NDUFA1: variants seen among roughly 807,000 people sequenced by gnomAD.
NDUFA1 encodes the protein NADH dehydrogenase [ubiquinone] 1 alpha subcomplex subunit 1.
For missense variants in NDUFA1, 42 were observed against 56.0 expected, an observed-to-expected ratio of 0.75 and a Z score of 0.80; for synonymous variants, 21 against 20.0, an observed-to-expected ratio of 1.05 and a Z score of -0.14.
At chrX:119,876,141 G>A (rs1169601678) in intron 2 of NDUFA1, among the ~76,000 whole-genome samples, 1 of 106,493 alleles carries the variant, frequency 9.4e-6, no homozygotes, top group Non-Finnish European at 1.9e-5. Flanking sequence ...GGAGATGCAG[G>A]TTGCAGTGAG....
At chrX:119,876,483 G>A (rs1474204265) in intron 2 of NDUFA1, 31 bp from the exon 3 acceptor site, 3 of 1,201,013 alleles carry the variant, frequency 2.5e-6, no homozygotes, top group Non-Finnish European at 3.4e-6. Context: ...GAACAGACTT[G>A]TCACATTCTC....
intron 1 of NDUFA1, among the ~76,000 whole-genome samples, chrX:119,872,468 T>C (rs2056417836): frequency 9.2e-6 from 1 of 108,697 alleles, no homozygotes; most frequent in South Asian, 4.1e-4. Flanking sequence ...AAATACAAAA[T>C]TAGCTGGGCG....
chrX:119,875,737 T>C (rs2056434647), intron 2 of NDUFA1, among the ~76,000 whole-genome samples: 1 of 111,801 alleles, frequency 8.9e-6, no homozygotes, highest in Middle Eastern at 4.2e-3. Context: ...GAATTCTGGC[T>C]CTGCTAATTC....
At chrX:119,872,182 C>T (rs1002715819) in intron 1 of NDUFA1, among the ~76,000 whole-genome samples, 169 bp downstream of exon 1, 1 of 112,600 alleles carries the variant, frequency 8.9e-6, no homozygotes, top group African/African-American at 3.2e-5. Flanking sequence ...AAACTACATC[C>T]TGCTCTAGTG....
chrX:119,875,397 T>C (rs745364340), intron 2 of NDUFA1, among the ~76,000 whole-genome samples: 19 of 99,670 alleles, frequency 1.9e-4, no homozygotes, highest in Non-Finnish European at 3.6e-4. Context: ...TGATCTTGGC[T>C]CACTGCAAGC....
intron 2 of NDUFA1, among the ~76,000 whole-genome samples, chrX:119,875,843 T>A (rs1048760411): frequency 1.8e-5 from 2 of 111,309 alleles, no homozygotes; most frequent in Admixed American, 9.7e-5. Flanking sequence ...CTACCTCATG[T>A]TGGCTGTTAT....
chrX:119,876,556 G>A lies in NDUFA1; in HGVS notation c.*22G>A. ...TTAAGGAAGCATTTTCCTGATTGAT[G>A]AAAAAAATAACTCAGTTATGGCCAT... On this transcript the variant is annotated 3_prime_UTR_variant, in exon 3 of 3. Coordinates refer to ENST00000371437, the MANE Select transcript of NDUFA1 (RefSeq NM_004541.4). The A allele has an allele frequency of 8.3e-7, 1 of 1,201,368 alleles. No homozygotes were observed. The highest frequency in any genetic ancestry group is 1.1e-6 in the Non-Finnish European group (1 of 886,400).
rs181123637 is a variant in NDUFA1, at chrX:119,872,642, A to G, written c.102+629A>G. On this transcript the variant is annotated intron_variant, in intron 1 of 2. Coordinates refer to ENST00000371437, the MANE Select transcript of NDUFA1 (RefSeq NM_004541.4). ...CAAAAAAAAATAAATAAAGAAAGAA[A>G]TTTTCCTGCTTCAGCCTCCCGAGTA... 5.3e-3 allele frequency among the ~76,000 whole-genome samples: 563 copies of G among 106,309 alleles called. 6 individuals are homozygous for G. Among genetic ancestry groups the G allele is most frequent in the Non-Finnish European group, 8.5e-3 (440 of 51,758 alleles). The allele number at this position is 106,309 out of a possible 115,157, so 92.3% of individuals were successfully genotyped here.
At chrX:119,873,772 A>G (rs1358475709) in intron 2 of NDUFA1, among the ~76,000 whole-genome samples, 1 of 110,463 alleles carries the variant, frequency 9.1e-6, no homozygotes, top group African/African-American at 3.3e-5. Context: ...TTGATATTCA[A>G]TGTATCATGT....
At chrX:119,874,634 G>A (rs1334357731) in intron 2 of NDUFA1, among the ~76,000 whole-genome samples, 1 of 110,972 alleles carries the variant, frequency 9.0e-6, no homozygotes, top group African/African-American at 3.3e-5. Flanking sequence ...TTGGCTCACT[G>A]CAACCCCCGC....
At chrX:119,875,132 C>T (rs2056431489) in intron 2 of NDUFA1, among the ~76,000 whole-genome samples, 1 of 110,465 alleles carries the variant, frequency 9.1e-6, no homozygotes, top group African/African-American at 3.3e-5. Context: ...CCATATTTCT[C>T]AAAGTATGGT....
rs1183352037 is a variant in NDUFA1, at chrX:119,871,882, T to A, written c.-30T>A. On this transcript the variant is annotated 5_prime_UTR_variant, in exon 1 of 3. Coordinates refer to ENST00000371437, the MANE Select transcript of NDUFA1 (RefSeq NM_004541.4). ...AGGTCACCTTTCAAGGACCCAGAAGTAGGGTTTTGGCCTAGGTAACGGGGC... is the reference window on the plus strand; with the variant it reads ...AGGTCACCTTTCAAGGACCCAGAAGAAGGGTTTTGGCCTAGGTAACGGGGC... The A allele has an allele frequency of 3.7e-5, 44 of 1,193,121 alleles. No homozygotes were observed. The highest frequency in any genetic ancestry group is 4.4e-5 in the Non-Finnish European group (39 of 878,123).
intron 1 of NDUFA1, among the ~76,000 whole-genome samples, 193 bp downstream of exon 1, chrX:119,872,206 C>A (rs1177748064): frequency 8.9e-6 from 1 of 112,347 alleles, no homozygotes; most frequent in Non-Finnish European, 1.9e-5. Context: ...AACAGCGTTT[C>A]TGGGTGTATC....
chrX:119,875,901 T>G (rs1157654515), intron 2 of NDUFA1, among the ~76,000 whole-genome samples: 2 of 111,637 alleles, frequency 1.8e-5, no homozygotes, highest in Non-Finnish European at 3.8e-5. Context: ...ACTGAGGTGC[T>G]TTGTAAAAGG....
Position 119,872,032 on chromosome X carries a change from G to T in NDUFA1, c.102+19G>T, listed in dbSNP as rs771241064. ...GGGCAAGGTAAGCCGGCTTCGGCCC[G>T]GGGGCCGACTCCACGGGCTGATTTC... On this transcript the variant is annotated intron_variant, in intron 1 of 2. Coordinates refer to ENST00000371437, the MANE Select transcript of NDUFA1 (RefSeq NM_004541.4). 2 of 1,184,869 alleles carry T rather than the reference G, an allele frequency of 1.7e-6. No homozygotes were observed. Among genetic ancestry groups the T allele is most frequent in the Non-Finnish European group, 2.3e-6 (2 of 870,677 alleles).
Position 119,872,026 on chromosome X carries a change from CGGCCCG to C in NDUFA1, c.102+16_102+21del. On this transcript the variant is annotated intron_variant, in intron 1 of 2. Transcript: ENST00000371437. ...TAACGGGGGCAAGGTAAGCCGGCTTCGGCCCGGGGGCCGACTCCACGGGCTGATTTC... is the reference window on the plus strand; with the variant it reads ...TAACGGGGGCAAGGTAAGCCGGCTTCGGGGCCGACTCCACGGGCTGATTTC... The C allele has an allele frequency of 2.5e-6, 3 of 1,203,567 alleles. No homozygotes were observed. Among genetic ancestry groups the C allele is most frequent in the Non-Finnish European group, 3.4e-6 (3 of 887,618 alleles).
At chrX:119,875,347 CGG>C (rs1179027949) in intron 2 of NDUFA1, among the ~76,000 whole-genome samples, 116 of 65,462 alleles carry the variant, frequency 1.8e-3, no homozygotes, top group Middle Eastern at 0.022. Context: ...TTTTTTGAGA[CGG>C]AGTCTTGCTC....
At chrX:119,873,600 G>A (rs987162457) in intron 2 of NDUFA1, among the ~76,000 whole-genome samples, 1 of 104,831 alleles carries the variant, frequency 9.5e-6, no homozygotes, top group African/African-American at 3.5e-5. Context: ...GTGGATTGTT[G>A]CCTATATCCT....
rs1364821075 is a variant in NDUFA1 at position 119,876,540 on chromosome X, C to G, written c.*6C>G. ...GTTTGGAGAACATTGATTAAGGAAG[C>G]ATTTTCCTGATTGATGAAAAAAATA... On this transcript the variant is annotated 3_prime_UTR_variant, in exon 3 of 3. Transcript: ENST00000371437. 1 of 1,207,278 alleles carries G rather than the reference C, an allele frequency of 8.3e-7. No homozygotes were observed.
Sources: allele counts gnomAD v4.1 joint callset (sites outside exome capture counted in the v4.1 genomes callset), GRCh38; gene constraint gnomAD v4.1.1; transcripts MANE v1.5; gene names NCBI Gene and HGNC (gene_info 2026-07-23, HGNC 2026-07-21).